Variants in CNTN4 observed in about 807,000 individuals in gnomAD.
CNTN4 encodes contactin-4.
Under a neutral mutation model 122.5 loss-of-function variants are expected in CNTN4, and 77 were observed. The ratio of observed to expected loss-of-function variants is 0.63; its 90% CI spans 0.52 to 0.76. The LOEUF is 0.76. Ranked by LOEUF, CNTN4 falls within the 30% of genes least tolerant of loss-of-function variation. The pLI is 0.00. For missense variants in CNTN4, 1,256 were observed against 1,259.1 expected, an observed-to-expected ratio of 1.00 and a Z score of 0.04; for synonymous variants, 512 against 447.0, an observed-to-expected ratio of 1.15 and a Z score of -1.83.
chr3:2,228,503 A>T (rs1311494345), intron 2 of CNTN4, among the ~76,000 whole-genome samples: 2 of 152,100 alleles, frequency 1.3e-5, no homozygotes, highest in Non-Finnish European at 2.9e-5. Context: ...TTTGTGAACA[A>T]GTTTGCAGAT....
chr3:2,246,190 T>G (rs1244976948), intron 2 of CNTN4, among the ~76,000 whole-genome samples: 1 of 152,032 alleles, frequency 6.6e-6, no homozygotes, highest in Non-Finnish European at 1.5e-5. Context: ...TGCAATTGCA[T>G]ATTTTGGACA....
intron 4 of CNTN4, among the ~76,000 whole-genome samples, chr3:2,577,856 G>T (rs1023574637): frequency 6.6e-6 from 1 of 152,104 alleles, no homozygotes; most frequent in Non-Finnish European, 1.5e-5. Context: ...GTTGATCTTG[G>T]TTTCAAGGAG....
intron 4 of CNTN4, among the ~76,000 whole-genome samples, chr3:2,667,047 A>G (rs926459464): frequency 6.6e-6 from 1 of 152,080 alleles, no homozygotes; most frequent in Non-Finnish European, 1.5e-5. Context: ...GTCTCAATAA[A>G]CATATGTGTG....
rs2086976158 is a variant in CNTN4, at chr3:2,709,463, G to A, written c.56-26752G>A. Among the ~76,000 whole-genome samples, 1 of 152,046 alleles carries A rather than the reference G, an allele frequency of 6.6e-6. No homozygotes were observed. Among genetic ancestry groups the A allele is most frequent in the Admixed American group, 6.6e-5 (1 of 15,252 alleles). ...GTGATCATCGTGTGCAATGGGGGAT[G>A]GGAACTACTGAAACCTAATCCCCGC... On this transcript the variant is annotated intron_variant, in intron 4 of 24. Coordinates refer to ENST00000418658, the MANE Select transcript of CNTN4 (RefSeq NM_175607.3). The surrounding 1 kb of genome is among the most constrained non-coding windows in gnomAD (Gnocchi z 5.0).
chr3:2,290,169 C>G (rs1018651530), intron 2 of CNTN4, among the ~76,000 whole-genome samples: 8 of 152,042 alleles, frequency 5.3e-5, no homozygotes, highest in Non-Finnish European at 1.5e-5. Context: ...CAATAACAAG[C>G]AGCACAGAGC....
intron 3 of CNTN4, among the ~76,000 whole-genome samples, chr3:2,379,269 T>C (rs1274799328): frequency 6.6e-6 from 1 of 152,166 alleles, no homozygotes; most frequent in Non-Finnish European, 1.5e-5. Context: ...CCGTTTCCTT[T>C]TTTTTTCTTC....
intron 2 of CNTN4, among the ~76,000 whole-genome samples, chr3:2,140,522 T>A (rs2034940098): frequency 6.6e-6 from 1 of 152,156 alleles, no homozygotes; most frequent in Non-Finnish European, 1.5e-5. Flanking sequence ...TGGGCCTTCT[T>A]GCTATGTTCT....
chr3:2,463,849 A>G lies in CNTN4; in HGVS notation c.-88-107567A>G, dbSNP rs141393396. Among the ~76,000 whole-genome samples, 3 of 152,326 alleles carry G rather than the reference A, an allele frequency of 2.0e-5. No individual in the cohort carries two copies. The East Asian group carries it at 5.8e-4, about 29-fold the overall frequency. ...CTCACCCTGCTTCTTTGTGTCTGGT[A>G]CTACGGTATGATATGTCATGCATCT... On this transcript the variant is annotated intron_variant, in intron 3 of 24. Transcript: ENST00000418658.
chr3:2,451,216 A>G (rs1367692651), intron 3 of CNTN4, among the ~76,000 whole-genome samples: 1 of 152,202 alleles, frequency 6.6e-6, no homozygotes, highest in East Asian at 1.9e-4. Context: ...AGATATGGTT[A>G]TAGTCTGAAT....
At position 2,375,221 on chromosome 3, in the gene CNTN4, G is replaced by A. The variant is rs541440960; in HGVS notation, c.-89+35988G>A. Among the ~76,000 whole-genome samples the A allele has an allele frequency of 5.9e-5, 9 of 152,260 alleles. No individual in the cohort carries two copies. The East Asian group carries it at 1.7e-3, about 29-fold the overall frequency. On this transcript the variant is annotated intron_variant, in intron 3 of 24. Coordinates refer to ENST00000418658, the MANE Select transcript of CNTN4 (RefSeq NM_175607.3). ...TTGCTACCTACAGATATTATCTGAG[G>A]CATTATTTTGCCTTGCGGAGGGTAT...
chr3:2,844,195 C>G (rs993673656), intron 7 of CNTN4, among the ~76,000 whole-genome samples: 1 of 152,192 alleles, frequency 6.6e-6, no homozygotes, highest in African/African-American at 2.4e-5. Context: ...CACCCCTTCC[C>G]GATATTTTTC....
intron 2 of CNTN4, among the ~76,000 whole-genome samples, chr3:2,240,185 C>T (rs369050506): frequency 3.3e-5 from 5 of 152,120 alleles, no homozygotes; most frequent in African/African-American, 1.2e-4. Context: ...GTCCTGAATG[C>T]CCTTTACTCT....
Position 2,568,392 on chromosome 3 carries a change from A to G in CNTN4, c.-88-3024A>G, listed in dbSNP as rs537371872. Among the ~76,000 whole-genome samples the G allele has an allele frequency of 2.5e-4, 38 of 151,948 alleles. 1 individual carries two copies. The South Asian group carries it at 7.7e-3, about 31-fold the overall frequency. ...ATCTCCTCCTGGCTCAATGAGAGAAAGCAATCGAGGCCTGTTTTATTGTGT... is the reference window on the plus strand; with the variant it reads ...ATCTCCTCCTGGCTCAATGAGAGAAGGCAATCGAGGCCTGTTTTATTGTGT... On this transcript the variant is annotated intron_variant, in intron 3 of 24. Coordinates refer to ENST00000418658, the MANE Select transcript of CNTN4 (RefSeq NM_175607.3).
chr3:2,721,390 T>C (rs566188697), intron 4 of CNTN4, among the ~76,000 whole-genome samples: 1 of 152,320 alleles, frequency 6.6e-6, no homozygotes, highest in Admixed American at 6.5e-5. Flanking sequence ...ACTGTATTTG[T>C]CATTAAGTTA....
At chr3:2,539,211 A>C (rs1042721888) in intron 3 of CNTN4, among the ~76,000 whole-genome samples, 3 of 152,096 alleles carry the variant, frequency 2.0e-5, no homozygotes. Flanking sequence ...TGAAATTAGC[A>C]TAAACCAGCA....
intron 10 of CNTN4, among the ~76,000 whole-genome samples, chr3:2,899,626 A>T (rs1315212911): frequency 6.6e-6 from 1 of 152,178 alleles, no homozygotes; most frequent in African/African-American, 2.4e-5. Flanking sequence ...TCTATTGAAA[A>T]TAAGGAAAGA....
At chr3:2,941,422 C>A (rs1273561328) in intron 13 of CNTN4, among the ~76,000 whole-genome samples, 1 of 152,190 alleles carries the variant, frequency 6.6e-6, no homozygotes, top group African/African-American at 2.4e-5. Context: ...TCAGAAGGAA[C>A]TCACTCCTGC....
chr3:3,026,752 T>G (rs1698756678), intron 15 of CNTN4, among the ~76,000 whole-genome samples: 1 of 152,204 alleles, frequency 6.6e-6, no homozygotes, highest in Non-Finnish European at 1.5e-5. Flanking sequence ...TTTTCTTTCT[T>G]GAATTTGAAA....
At chr3:2,515,649 A>G (rs2077019023) in intron 3 of CNTN4, among the ~76,000 whole-genome samples, 1 of 152,140 alleles carries the variant, frequency 6.6e-6, no homozygotes, top group African/African-American at 2.4e-5. Flanking sequence ...ATCACTAGAT[A>G]AGTCCTCTTA....
Sources: gnomAD v4.1 joint callset for allele counts (sites outside exome capture counted in the v4.1 genomes callset) on GRCh38, gnomAD v4.1.1 for gene constraint, Gnocchi (gnomAD v3.1) non-coding constraint, MANE v1.5 for transcripts, NCBI Gene and HGNC (gene_info 2026-07-23, HGNC 2026-07-21) for gene names.